Variants in KIF6 observed in about 807,000 individuals in gnomAD.
The protein encoded by KIF6 is kinesin family member 6.
In KIF6, 106 loss-of-function variants were observed where a neutral mutation model predicts 112.7. That is an observed-to-expected ratio of 0.94 (90% CI 0.80 to 1.11). KIF6 has a LOEUF of 1.11. Ranked by LOEUF, KIF6 falls within the 50% of genes least tolerant of loss-of-function variation. KIF6 has a pLI of 0.00. For synonymous variants in KIF6, 339 were observed against 339.9 expected (o/e 1.00, Z 0.03); for missense variants, 929 against 964.0 (o/e 0.96, Z 0.48).
intron 10 of KIF6, among the ~76,000 whole-genome samples, chr6:39,571,003 T>C (rs1024145330): frequency 6.6e-6 from 1 of 152,164 alleles, no homozygotes; most frequent in Non-Finnish European, 1.5e-5. Context: ...TTATATCAAC[T>C]CACTACCAGT....
At chr6:39,404,845 T>A (rs1768972482) in intron 15 of KIF6, among the ~76,000 whole-genome samples, 4 of 151,956 alleles carry the variant, frequency 2.6e-5, no homozygotes, top group Admixed American at 2.6e-4. Context: ...TGATTTTTTT[T>A]ATTAGAGTTT....
At chr6:39,457,035 A>G (rs978393242) in intron 13 of KIF6, among the ~76,000 whole-genome samples, 1 of 141,144 alleles carries the variant, frequency 7.1e-6, no homozygotes, top group African/African-American at 2.7e-5. Flanking sequence ...AGACATCTAC[A>G]GAACTCTCCA....
intron 13 of KIF6, among the ~76,000 whole-genome samples, chr6:39,493,439 A>ATT (rs1435656489): frequency 3.3e-5 from 5 of 152,182 alleles, no homozygotes; most frequent in African/African-American, 1.2e-4. Flanking sequence ...AGAGCCTGCT[A>ATT]TTTGCAAGGC....
intron 15 of KIF6, among the ~76,000 whole-genome samples, chr6:39,397,079 G>C (rs1029604459): frequency 2.6e-5 from 4 of 152,050 alleles, no homozygotes; most frequent in Non-Finnish European, 2.9e-5. Flanking sequence ...TCCAAATCAG[G>C]GTTTCACAAA....
rs183235966 is a variant in KIF6, at chr6:39,688,588, G to A, written c.251+26104C>T. On this transcript the variant is annotated intron_variant, in intron 3 of 22. Coordinates refer to ENST00000287152, the MANE Select transcript of KIF6 (RefSeq NM_145027.6). ...GGCCCAGGAGAAAAGAATGAGAAAA[G>A]AAGTACCACAGGAACGAGTAGTAGC... 6.4e-4 allele frequency among the ~76,000 whole-genome samples: 98 copies of A among 152,156 alleles called. 1 individual carries two copies. Among genetic ancestry groups the A allele is most frequent in the Admixed American group, 6.2e-3 (95 of 15,282 alleles).
At chr6:39,615,963 A>G (rs913880207) in intron 5 of KIF6, among the ~76,000 whole-genome samples, 1 of 152,160 alleles carries the variant, frequency 6.6e-6, no homozygotes, top group Non-Finnish European at 1.5e-5. Flanking sequence ...AAACATCCAT[A>G]GGGTTTATAT....
chr6:39,403,453 C>T (rs1161715127), intron 15 of KIF6, among the ~76,000 whole-genome samples: 7 of 152,186 alleles, frequency 4.6e-5, no homozygotes, highest in African/African-American at 1.7e-4. Flanking sequence ...AGCACAATGC[C>T]TTTGAGAGTC....
chr6:39,612,378 A>ACACAAC (rs1554135199), intron 6 of KIF6, among the ~76,000 whole-genome samples: 1 of 151,894 alleles, frequency 6.6e-6, no homozygotes, highest in Non-Finnish European at 1.5e-5. Context: ...AACTGTTCCC[A>ACACAAC]CACCACCACC....
intron 13 of KIF6, among the ~76,000 whole-genome samples, chr6:39,505,524 T>A (rs890660042): frequency 6.6e-6 from 1 of 152,186 alleles, no homozygotes; most frequent in African/African-American, 2.4e-5. Context: ...ACTAAACAGC[T>A]TCTGCACAGC....
chr6:39,349,901 T>A (rs1203009647), intron 19 of KIF6, among the ~76,000 whole-genome samples: 2 of 152,116 alleles, frequency 1.3e-5, no homozygotes, highest in Non-Finnish European at 2.9e-5. Flanking sequence ...CACCTTGGCC[T>A]CCCAAAGTGC....
At chr6:39,539,092 A>C (rs1778632118) in intron 13 of KIF6, among the ~76,000 whole-genome samples, 1 of 147,708 alleles carries the variant, frequency 6.8e-6, no homozygotes, top group African/African-American at 2.5e-5. Flanking sequence ...GGGGAGGGAT[A>C]GCATTGGGAG....
chr6:39,486,238 T>C (rs1166740033), intron 13 of KIF6, among the ~76,000 whole-genome samples: 1 of 152,186 alleles, frequency 6.6e-6, no homozygotes, highest in African/African-American at 2.4e-5. Flanking sequence ...TCCATTTCTT[T>C]CCTCTGGGAA....
intron 9 of KIF6, among the ~76,000 whole-genome samples, chr6:39,584,416 C>T (rs1222232295): frequency 5.9e-5 from 1 of 16,872 alleles, no homozygotes; most frequent in Non-Finnish European, 8.9e-5. Context: ...GACTCTGTCT[C>T]TAAAAAAAAA....
intron 10 of KIF6, among the ~76,000 whole-genome samples, chr6:39,552,754 T>TAA (rs140724800): frequency 6.6e-6 from 1 of 151,914 alleles, no homozygotes; most frequent in African/African-American, 2.4e-5. Flanking sequence ...TCTGCCATAT[T>TAA]AAAAAAAAGA....
intron 13 of KIF6, among the ~76,000 whole-genome samples, chr6:39,520,158 C>A (rs1008248444): frequency 6.6e-6 from 1 of 152,136 alleles, no homozygotes; most frequent in Non-Finnish European, 1.5e-5. Context: ...AATCCCTTTA[C>A]CATGGCAACA....
At chr6:39,703,401 A>G (rs1788997326) in intron 3 of KIF6, among the ~76,000 whole-genome samples, 1 of 152,192 alleles carries the variant, frequency 6.6e-6, no homozygotes, top group South Asian at 2.1e-4. Context: ...TTAAATGCTC[A>G]GGGTCCCGTT....
At chr6:39,490,726 C>T (rs1010349981) in intron 13 of KIF6, among the ~76,000 whole-genome samples, 1 of 151,980 alleles carries the variant, frequency 6.6e-6, no homozygotes, top group Non-Finnish European at 1.5e-5. Context: ...TCAAATTATC[C>T]ATTAAAGTGC....
chr6:39,723,796 T>A (rs1326310941), intron 1 of KIF6, among the ~76,000 whole-genome samples: 1 of 152,098 alleles, frequency 6.6e-6, no homozygotes, highest in East Asian at 1.9e-4. Context: ...CTAATGTAGA[T>A]GACAGATTGG....
chr6:39,564,722 A>T (rs557496940), intron 10 of KIF6, among the ~76,000 whole-genome samples: 1 of 152,344 alleles, frequency 6.6e-6, no homozygotes, highest in South Asian at 2.1e-4. Context: ...CTGCGAACAC[A>T]AATTCATGTG....
Sources: allele counts gnomAD v4.1 joint callset (sites outside exome capture counted in the v4.1 genomes callset), GRCh38; gene constraint gnomAD v4.1.1; transcripts MANE v1.5; gene names NCBI Gene and HGNC (gene_info 2026-07-23, HGNC 2026-07-21).